The following PRMT8 variants were observed in gnomAD, a reference collection of about 807,000 sequenced individuals.
The protein encoded by PRMT8 is protein arginine N-methyltransferase 8.
Under a neutral mutation model 47.1 loss-of-function variants are expected in PRMT8, and 7 were observed. The ratio of observed to expected loss-of-function variants is 0.15; its 90% CI spans 0.08 to 0.28. The LOEUF is 0.28. PRMT8 is among the 10% of genes least tolerant of loss of function. PRMT8 has a pLI of 1.00. For synonymous variants in PRMT8, 188 were observed against 186.5 expected, an observed-to-expected ratio of 1.01 and a Z score of -0.07; for missense variants, 237 against 505.4, an observed-to-expected ratio of 0.47 and a Z score of 5.09.
Position 3,535,652 on chromosome 12 carries a change from G to C in PRMT8, c.76-4954G>C, listed in dbSNP as rs2137158712. Among the ~76,000 whole-genome samples the C allele has an allele frequency of 6.6e-6, 1 of 152,314 alleles. No individual in the cohort carries two copies. Among genetic ancestry groups the C allele is most frequent in the South Asian group, 2.1e-4 (1 of 4,822 alleles). On this transcript the variant is annotated intron_variant, in intron 1 of 9. Coordinates refer to ENST00000382622, the MANE Select transcript of PRMT8 (RefSeq NM_019854.5). The surrounding 1 kb of genome is among the most constrained non-coding windows in gnomAD (Gnocchi z 4.7). Reference sequence around the variant, plus strand: ...AACCGACTCCAGGGCAGAGCAGGCAGGGCCAGACCTCCAGGGTGATGTGGG... The same window carrying C: ...AACCGACTCCAGGGCAGAGCAGGCACGGCCAGACCTCCAGGGTGATGTGGG...
intron 1 of PRMT8, among the ~76,000 whole-genome samples, chr12:3,494,103 C>G (rs543261800): frequency 1.7e-4 from 26 of 152,242 alleles, no homozygotes; most frequent in African/African-American, 6.3e-4. Flanking sequence ...GCGGCAGGAG[C>G]ACGCCTCCAC....
intron 1 of PRMT8, among the ~76,000 whole-genome samples, 189 bp downstream of exon 1, chr12:3,491,889 T>TGTGTGTG (rs1565421679): frequency 9.1e-5 from 3 of 32,896 alleles, no homozygotes; most frequent in East Asian, 9.0e-4. Context: ...TGTGTGTGTG[T>TGTGTGTG]TGGTGGGGGG....
chr12:3,435,322 T>C (rs1405095372), intron 1 of PRMT8, among the ~76,000 whole-genome samples: 1 of 151,984 alleles, frequency 6.6e-6, no homozygotes, highest in Non-Finnish European at 1.5e-5. Context: ...AGTTGAAGGG[T>C]TTCTAGTCTT....
chr12:3,465,275 A>T (rs1353246798), intron 1 of PRMT8, among the ~76,000 whole-genome samples: 2 of 26,898 alleles, frequency 7.4e-5, no homozygotes, highest in African/African-American at 1.7e-4. Context: ...ATTTATAAAA[A>T]TAAAAAATAT....
Position 3,579,262 on chromosome 12 carries a change from A to G in PRMT8, c.828+2276A>G, listed in dbSNP as rs3782745. 2.0e-3 allele frequency among the ~76,000 whole-genome samples: 299 copies of G among 152,146 alleles called. 6 individuals are homozygous for G. The East Asian group carries it at 0.047, about 24-fold the overall frequency. ...TCAGCTTGGGGATAAAATTCCTTCA[A>G]TATTCTTGGACCCCAGGTTGCTCTC... is the stretch of plus-strand genomic sequence containing the variant. On this transcript the variant is annotated intron_variant, in intron 7 of 9. Transcript: ENST00000382622.
chr12:3,446,770 A>G (rs543289510), intron 1 of PRMT8, among the ~76,000 whole-genome samples: 48 of 152,304 alleles, frequency 3.2e-4, no homozygotes, highest in African/African-American at 1.1e-3. Flanking sequence ...TTACCATCAG[A>G]AAATGTTCCC....
At chr12:3,541,772 G>A (rs543980238) in intron 2 of PRMT8, among the ~76,000 whole-genome samples, 49 of 152,292 alleles carry the variant, frequency 3.2e-4, no homozygotes, top group Middle Eastern at 6.8e-3. Flanking sequence ...TTTCGTTTTA[G>A]TGCTTACTAC....
chr12:3,417,325 C>G (rs1444369359), intron 1 of PRMT8, among the ~76,000 whole-genome samples: 4 of 152,150 alleles, frequency 2.6e-5, no homozygotes, highest in African/African-American at 4.8e-5. Flanking sequence ...CCTTCCCTGG[C>G]TGGGGGATTT....
At chr12:3,548,837 C>T (rs1305384290) in intron 2 of PRMT8, among the ~76,000 whole-genome samples, 1 of 152,066 alleles carries the variant, frequency 6.6e-6, no homozygotes, top group African/African-American at 2.4e-5. Context: ...AGGTATCTAC[C>T]CAAGGGAAAT....
chr12:3,491,072 G>A (rs1025935298), upstream of PRMT8: 2 of 763,968 alleles, frequency 2.6e-6, no homozygotes, highest in African/African-American at 3.8e-5. Context: ...TCGGAGACTA[G>A]GGGAGGGGGC....
intron 1 of PRMT8, among the ~76,000 whole-genome samples, chr12:3,510,595 C>T (rs1313497172): frequency 6.6e-6 from 1 of 151,964 alleles, no homozygotes; most frequent in Non-Finnish European, 1.5e-5. Context: ...TAAGTTGCTC[C>T]CTACTCGAAG....
Position 3,540,633 on chromosome 12 carries a change from C to CCCCCCCCCCCCGAAA in PRMT8, c.103_104insCCCCCCCCCCCGAAA (p.Gln35delinsProProProProGluLys). On this transcript the variant is annotated protein_altering_variant, in exon 2 of 10. Coordinates refer to ENST00000382622, the MANE Select transcript of PRMT8 (RefSeq NM_019854.5). ...GAACAGCCCCCCCTCCCAGCCCCCC[C>CCCCCCCCCCCCGAAA]AGCCCGTCGTCCCTGCTAAGCCCGT... 1 of 1,553,210 alleles carries CCCCCCCCCCCCGAAA rather than the reference C, an allele frequency of 6.4e-7. No individual in the cohort carries two copies. The highest frequency in any genetic ancestry group is 8.9e-7 in the Non-Finnish European group (1 of 1,127,240).
At chr12:3,439,282 T>C (rs117352286) in intron 1 of PRMT8, among the ~76,000 whole-genome samples, 2,388 of 152,322 alleles carry the variant, frequency 0.016, 40 homozygotes, top group Middle Eastern at 0.02. Context: ...CCTCCACCCA[T>C]CTGTTTTAAT....
chr12:3,434,056 G>A (rs1450091844), intron 1 of PRMT8, among the ~76,000 whole-genome samples: 1 of 152,228 alleles, frequency 6.6e-6, no homozygotes, highest in Non-Finnish European at 1.5e-5. Flanking sequence ...GGCGGGAGCA[G>A]GAAGGGAGAA....
intron 8 of PRMT8, among the ~76,000 whole-genome samples, chr12:3,584,609 C>T (rs1311951839): frequency 1.3e-5 from 2 of 152,280 alleles, no homozygotes; most frequent in East Asian, 3.9e-4. Flanking sequence ...TCAAAGAAAG[C>T]ATTCTCACCC....
At chr12:3,381,977 T>C (rs1456212441) in intron 1 of PRMT8, among the ~76,000 whole-genome samples, 1 of 152,230 alleles carries the variant, frequency 6.6e-6, no homozygotes, top group Non-Finnish European at 1.5e-5. Context: ...AATCATATAG[T>C]ATGTAACCTT....
intron 1 of PRMT8, among the ~76,000 whole-genome samples, chr12:3,410,706 A>G: frequency 6.6e-6 from 1 of 152,062 alleles, no homozygotes; most frequent in East Asian, 1.9e-4. Flanking sequence ...ACAGGGTTTT[A>G]CCATATTGGC....
chr12:3,384,046 T>C (rs1449590629), intron 1 of PRMT8, among the ~76,000 whole-genome samples: 1 of 152,224 alleles, frequency 6.6e-6, no homozygotes, highest in Admixed American at 6.5e-5. Flanking sequence ...TCTTTCCAAT[T>C]CACATACCTT....
rs191258423 is a variant in PRMT8 at position 3,492,175 on chromosome 12, C to G, written c.75+475C>G. ...CGCTGCCTCAGCTTTACCCTTCAAG[C>G]TCGAGTCGGTTCCCGAGCTCTCCGT... On this transcript the variant is annotated intron_variant, in intron 1 of 9. Transcript: ENST00000382622. This position sits in a 1 kb window ranked among gnomAD's most constrained non-coding sequence, Gnocchi z 7.5. 0.021 allele frequency among the ~76,000 whole-genome samples: 3,206 copies of G among 152,122 alleles called. 48 individuals are homozygous for G. The highest frequency in any genetic ancestry group is 0.035 in the Non-Finnish European group (2,363 of 67,954).
Sources: gnomAD v4.1 joint callset for allele counts (sites outside exome capture counted in the v4.1 genomes callset) on GRCh38, gnomAD v4.1.1 for gene constraint, Gnocchi (gnomAD v3.1) non-coding constraint, MANE v1.5 for transcripts, NCBI Gene and HGNC (gene_info 2026-07-23, HGNC 2026-07-21) for gene names.